NRXN3: variants seen among roughly 807,000 people sequenced by gnomAD.
NRXN3 encodes neurexin 3, also known as neurexin III.
A neutral mutation model predicts 137.6 loss-of-function variants in NRXN3; 32 were observed. The observed-to-expected ratio is 0.23, with a 90% CI of 0.18 to 0.31. The LOEUF is 0.31. NRXN3 is among the 10% of genes least tolerant of loss of function. The pLI, the probability that NRXN3 is intolerant of heterozygous loss-of-function variation, is 1.00. For missense variants in NRXN3, 1,574 were observed against 2,062.5 expected (o/e 0.76, Z 4.59); for synonymous variants, 798 against 784.5 (o/e 1.02, Z -0.29).
intron 15 of NRXN3, among the ~76,000 whole-genome samples, chr14:79,396,659 G>A (rs1461091096): frequency 6.6e-6 from 1 of 152,184 alleles, no homozygotes; most frequent in Non-Finnish European, 1.5e-5. Context: ...TCTACCAGGA[G>A]GGTGGCAGTT....
chr14:79,203,796 G>A (rs1411747325), intron 15 of NRXN3, among the ~76,000 whole-genome samples: 1 of 152,186 alleles, frequency 6.6e-6, no homozygotes, highest in Non-Finnish European at 1.5e-5. Flanking sequence ...CTATATACAT[G>A]TAAAATTATT....
chr14:79,251,835 T>TTTTG (rs2075976920), intron 15 of NRXN3, among the ~76,000 whole-genome samples: 1 of 152,032 alleles, frequency 6.6e-6, no homozygotes, highest in Non-Finnish European at 1.5e-5. Context: ...CTTTTCTTTT[T>TTTTG]TTTTTCAGGG....
intron 19 of NRXN3, among the ~76,000 whole-genome samples, chr14:79,747,285 A>G (rs2098982639): frequency 6.6e-6 from 1 of 152,082 alleles, no homozygotes; most frequent in South Asian, 2.1e-4. Flanking sequence ...CTTTTAGTGT[A>G]ATGAAGGATC....
At chr14:78,877,392 C>G (rs981111584) in intron 10 of NRXN3, among the ~76,000 whole-genome samples, 2 of 152,116 alleles carry the variant, frequency 1.3e-5, no homozygotes, top group Non-Finnish European at 2.9e-5. Context: ...TGAAGCTTTC[C>G]CTGACTTCTC....
intron 15 of NRXN3, among the ~76,000 whole-genome samples, chr14:79,177,834 G>A (rs1050916167): frequency 2.0e-5 from 3 of 152,178 alleles, no homozygotes; most frequent in Non-Finnish European, 4.4e-5. Flanking sequence ...TCTAATCAAT[G>A]TTACTCTTGA....
chr14:79,417,972 AAAG>A (rs1280775592), intron 15 of NRXN3, among the ~76,000 whole-genome samples: 4 of 152,034 alleles, frequency 2.6e-5, no homozygotes, highest in Non-Finnish European at 5.9e-5. Flanking sequence ...GGAAAAAAAA[AAAG>A]AAGAAGAAAA....
intron 15 of NRXN3, among the ~76,000 whole-genome samples, chr14:79,180,132 C>A (rs2062764922): frequency 6.6e-6 from 1 of 152,092 alleles, no homozygotes; most frequent in Non-Finnish European, 1.5e-5. Context: ...TTCTTTCAGG[C>A]TCAACATGTG....
At chr14:78,844,076 C>T (rs1288553082) in intron 10 of NRXN3, among the ~76,000 whole-genome samples, 1 of 152,072 alleles carries the variant, frequency 6.6e-6, no homozygotes, top group Admixed American at 6.6e-5. Flanking sequence ...TTTAGTCCCT[C>T]CAGAGGCTCT....
At chr14:78,582,854 GT>G (rs1156357057) in intron 4 of NRXN3, among the ~76,000 whole-genome samples, 2 of 152,302 alleles carry the variant, frequency 1.3e-5, no homozygotes, top group South Asian at 4.1e-4. Context: ...TGCAAAGAAG[GT>G]CTTTGTTATC....
At chr14:78,984,806 C>G (rs1318579844) in intron 14 of NRXN3, among the ~76,000 whole-genome samples, 1 of 152,116 alleles carries the variant, frequency 6.6e-6, no homozygotes, top group Non-Finnish European at 1.5e-5. Context: ...GAACTAAAAA[C>G]AGGAGAGGGC....
intron 4 of NRXN3, among the ~76,000 whole-genome samples, chr14:78,337,554 T>G (rs116125098): frequency 0.015 from 2,319 of 152,162 alleles, 63 homozygotes; most frequent in African/African-American, 0.053. Context: ...TCCATCACAG[T>G]GAGGGAACAA....
intron 20 of NRXN3, among the ~76,000 whole-genome samples, chr14:79,846,214 A>G (rs2141597645): frequency 6.6e-6 from 1 of 152,344 alleles, no homozygotes; most frequent in East Asian, 1.9e-4. Context: ...GAAACGTTCA[A>G]TTTATTAAAA....
At chr14:79,816,163 G>A (rs914947949) in intron 20 of NRXN3, among the ~76,000 whole-genome samples, 1 of 152,192 alleles carries the variant, frequency 6.6e-6, no homozygotes, top group Non-Finnish European at 1.5e-5. Context: ...GGGATTTTAA[G>A]TTTGCTTGTT....
At chr14:78,715,197 T>G in intron 8 of NRXN3, 58 bp downstream of exon 8, 1 of 1,564,086 alleles carries the variant, frequency 6.4e-7, no homozygotes, top group Non-Finnish European at 8.6e-7. Flanking sequence ...GTGTTACAGT[T>G]GGATCCCTGG....
At chr14:78,285,973 A>G (rs2075122411) in intron 3 of NRXN3, among the ~76,000 whole-genome samples, 1 of 152,142 alleles carries the variant, frequency 6.6e-6, no homozygotes, top group Non-Finnish European at 1.5e-5. Context: ...AGTAAGTGTG[A>G]GTAAGGAGCT....
intron 10 of NRXN3, among the ~76,000 whole-genome samples, chr14:78,917,851 C>T (rs2099259714): frequency 6.6e-6 from 1 of 151,970 alleles, no homozygotes; most frequent in African/African-American, 2.4e-5. Context: ...GGATGCTCTT[C>T]ATAGGAGATA....
chr14:79,667,382 C>T (rs2098566824), intron 17 of NRXN3, among the ~76,000 whole-genome samples: 2 of 151,982 alleles, frequency 1.3e-5, no homozygotes, highest in Non-Finnish European at 2.9e-5. Context: ...GGAGAACATG[C>T]TCTCGGGGAA....
At chr14:78,991,419 A>C (rs1352196784) in intron 15 of NRXN3, among the ~76,000 whole-genome samples, 1 of 152,226 alleles carries the variant, frequency 6.6e-6, no homozygotes, top group African/African-American at 2.4e-5. Flanking sequence ...TTTAAATGCT[A>C]TCATAGGACC....
intron 4 of NRXN3, among the ~76,000 whole-genome samples, chr14:78,353,289 A>T (rs78869739): frequency 0.036 from 5,538 of 152,260 alleles, 132 homozygotes; most frequent in East Asian, 0.085. Context: ...TGGGCTACTA[A>T]AACAAAATAC....
Sources: allele counts gnomAD v4.1 joint callset (sites outside exome capture counted in the v4.1 genomes callset), GRCh38; gene constraint gnomAD v4.1.1; transcripts MANE v1.5; gene names NCBI Gene and HGNC (gene_info 2026-07-23, HGNC 2026-07-21).